CCSER1: variants seen among roughly 807,000 people sequenced by gnomAD.
CCSER1 encodes the protein serine-rich coiled-coil domain-containing protein 1.
Under a neutral mutation model 82.0 loss-of-function variants are expected in CCSER1, and 41 were observed. The observed-to-expected ratio is 0.50, with a 90% CI of 0.39 to 0.65. The LOEUF (loss-of-function observed/expected upper bound fraction) is 0.65. Among genes scored for constraint, CCSER1 ranks in the 30% least tolerant of loss-of-function variants. CCSER1 has a pLI of 0.00. For synonymous variants in CCSER1, 414 were observed against 383.9 expected, an observed-to-expected ratio of 1.08 and a Z score of -0.92; for missense variants, 1,119 against 1,064.2, an observed-to-expected ratio of 1.05 and a Z score of -0.72.
intron 1 of CCSER1, among the ~76,000 whole-genome samples, chr4:90,207,209 G>A (rs1486212551): frequency 6.6e-6 from 1 of 151,920 alleles, no homozygotes; most frequent in African/African-American, 2.4e-5. Flanking sequence ...ATTGTTATGT[G>A]TGATCTGATC....
chr4:90,941,843 T>C (rs981945710), intron 9 of CCSER1, among the ~76,000 whole-genome samples: 15 of 152,304 alleles, frequency 9.8e-5, no homozygotes, highest in African/African-American at 3.6e-4. Flanking sequence ...AATAGATCGA[T>C]GTATATATCC....
chr4:90,428,531 G>A (rs1757842834), intron 4 of CCSER1, among the ~76,000 whole-genome samples: 1 of 151,770 alleles, frequency 6.6e-6, no homozygotes, highest in Non-Finnish European at 1.5e-5. Flanking sequence ...AATAAAGTAG[G>A]ATAGAGAAAA....
At chr4:91,266,548 G>T (rs1448560907) in intron 10 of CCSER1, among the ~76,000 whole-genome samples, 1 of 152,074 alleles carries the variant, frequency 6.6e-6, no homozygotes, top group Admixed American at 6.6e-5. Context: ...ACAGCGCCCG[G>T]CCTTAAGCTG....
intron 10 of CCSER1, among the ~76,000 whole-genome samples, chr4:91,379,461 T>A (rs544834386): frequency 6.6e-6 from 1 of 152,334 alleles, no homozygotes; most frequent in South Asian, 2.1e-4. Context: ...GGATTCAACT[T>A]CTTCCTGGTT....
intron 7 of CCSER1, among the ~76,000 whole-genome samples, chr4:90,814,904 C>T (rs990201313): frequency 2.0e-5 from 3 of 152,208 alleles, no homozygotes; most frequent in Non-Finnish European, 4.4e-5. Flanking sequence ...GCCCTCCAAA[C>T]TGTTCCAACC....
At chr4:90,907,111 A>G (rs370028513) in intron 8 of CCSER1, among the ~76,000 whole-genome samples, 15 of 152,272 alleles carry the variant, frequency 9.9e-5, no homozygotes, top group African/African-American at 3.4e-4. Flanking sequence ...GCTGACATAA[A>G]GGGAAAATTG....
chr4:90,639,386 T>C (rs779312883), intron 6 of CCSER1, among the ~76,000 whole-genome samples: 28 of 151,994 alleles, frequency 1.8e-4, no homozygotes, highest in Non-Finnish European at 3.4e-4. Flanking sequence ...ATTATTGCCA[T>C]TTATGCTTTT....
At chr4:91,087,313 A>G (rs1048642536) in intron 10 of CCSER1, among the ~76,000 whole-genome samples, 3 of 152,134 alleles carry the variant, frequency 2.0e-5, no homozygotes, top group African/African-American at 7.2e-5. Context: ...ACTGAAATCT[A>G]TATATCCGTA....
intron 8 of CCSER1, among the ~76,000 whole-genome samples, chr4:90,839,237 G>T (rs1268879776): frequency 6.6e-6 from 1 of 152,164 alleles, no homozygotes; most frequent in Non-Finnish European, 1.5e-5. Context: ...AAATACAAAG[G>T]TAAGCAATTA....
At chr4:91,159,407 G>C (rs990980170) in intron 10 of CCSER1, among the ~76,000 whole-genome samples, 1 of 151,738 alleles carries the variant, frequency 6.6e-6, no homozygotes, top group Non-Finnish European at 1.5e-5. Context: ...AGTGTTTTCC[G>C]ATAAAAATAT....
chr4:90,778,783 A>G (rs2149599513), intron 7 of CCSER1, among the ~76,000 whole-genome samples: 1 of 151,948 alleles, frequency 6.6e-6, no homozygotes, highest in East Asian at 1.9e-4. Context: ...TTGACTTAAA[A>G]AAAAAACTCT....
intron 10 of CCSER1, among the ~76,000 whole-genome samples, chr4:91,496,117 C>A (rs1758790466): frequency 6.6e-6 from 1 of 151,504 alleles, no homozygotes; most frequent in South Asian, 2.1e-4. Context: ...TAAGTGTCAA[C>A]AGATGATAAT....
intron 10 of CCSER1, among the ~76,000 whole-genome samples, chr4:91,450,118 T>TTA: frequency 7.3e-6 from 1 of 136,832 alleles, no homozygotes; most frequent in South Asian, 2.4e-4. Flanking sequence ...GCTGGAGATT[T>TTA]GTTTTTATAC....
At chr4:90,798,705 C>T (rs536150590) in intron 7 of CCSER1, among the ~76,000 whole-genome samples, 11 of 152,256 alleles carry the variant, frequency 7.2e-5, no homozygotes, top group Middle Eastern at 3.4e-3. Context: ...TGTGACATTA[C>T]GTGGATTCAA....
chr4:91,084,162 C>T (rs1318478914), intron 9 of CCSER1, among the ~76,000 whole-genome samples: 1 of 152,040 alleles, frequency 6.6e-6, no homozygotes, highest in African/African-American at 2.4e-5. Flanking sequence ...GAGCTCCTGA[C>T]CTCAAGTGAT....
intron 10 of CCSER1, among the ~76,000 whole-genome samples, chr4:91,115,219 A>G (rs1246883930): frequency 6.6e-6 from 1 of 152,228 alleles, no homozygotes; most frequent in Non-Finnish European, 1.5e-5. Flanking sequence ...ATTTGCATTG[A>G]ATTATGAGTT....
chr4:90,604,798 G>A (rs1228354375), intron 5 of CCSER1, among the ~76,000 whole-genome samples: 1 of 152,136 alleles, frequency 6.6e-6, no homozygotes, highest in Non-Finnish European at 1.5e-5. Context: ...CTGGAGGATT[G>A]TAAATGCACC....
At position 90,191,345 on chromosome 4, in the gene CCSER1, C is replaced by T. The variant is rs959268072; in HGVS notation, c.-42+63514C>T. Among the ~76,000 whole-genome samples the T allele has an allele frequency of 4.6e-5, 7 of 151,994 alleles. No individual in the cohort carries two copies. In the South Asian group the frequency reaches 6.2e-4, roughly 14 times the overall value. ...TGTGAAGCACATGTACTAGTTTATA[C>T]GGAGAATGAGATAGATGGTCAGAAA... is the stretch of plus-strand genomic sequence containing the variant. On this transcript the variant is annotated intron_variant, in intron 1 of 10. Coordinates refer to ENST00000509176, the MANE Select transcript of CCSER1 (RefSeq NM_001145065.2).
intron 10 of CCSER1, among the ~76,000 whole-genome samples, chr4:91,376,364 T>C (rs1750412422): frequency 6.6e-6 from 1 of 152,190 alleles, no homozygotes; most frequent in Non-Finnish European, 1.5e-5. Flanking sequence ...GAGCATGTGA[T>C]AGTGTAGACA....
Sources: allele counts gnomAD v4.1 joint callset (sites outside exome capture counted in the v4.1 genomes callset), GRCh38; gene constraint gnomAD v4.1.1; transcripts MANE v1.5; gene names NCBI Gene and HGNC (gene_info 2026-07-23, HGNC 2026-07-21).